Variants in GRB2 observed in about 807,000 individuals in gnomAD.
The protein encoded by GRB2 is growth factor receptor bound protein 2, also known as growth factor receptor-bound protein 2.
In GRB2, 2 loss-of-function variants were observed where a neutral mutation model predicts 27.4. The observed-to-expected ratio is 0.07, with a 90% CI of 0.03 to 0.23. GRB2 has a LOEUF of 0.23. Ranked by LOEUF, GRB2 falls within the 10% of genes least tolerant of loss-of-function variation. The probability of loss-of-function intolerance (pLI) is 1.00; values close to 1 mark genes in which losing one functional copy is unlikely to be tolerated. For synonymous variants in GRB2, 94 were observed against 99.6 expected, an observed-to-expected ratio of 0.94 and a Z score of 0.33; for missense variants, 102 against 282.4, an observed-to-expected ratio of 0.36 and a Z score of 4.58.
intron 1 of GRB2, among the ~76,000 whole-genome samples, chr17:75,397,313 G>A (rs1161085117): frequency 6.6e-6 from 1 of 152,188 alleles, no homozygotes; most frequent in Non-Finnish European, 1.5e-5. Context: ...CAGACACAAT[G>A]TATAATGATT....
chr17:75,388,189 CG>C (rs1355031715), intron 2 of GRB2, among the ~76,000 whole-genome samples: 2 of 151,970 alleles, frequency 1.3e-5, no homozygotes, highest in Non-Finnish European at 2.9e-5. Context: ...CTCCACATCC[CG>C]GGTTCAAGCG....
chr17:75,404,705 C>T (rs1301956981), intron 1 of GRB2: 4 of 152,212 alleles, frequency 2.6e-5, no homozygotes, highest in African/African-American at 9.6e-5. Flanking sequence ...ATGTGTCTGA[C>T]ATTTCGGAAA....
chr17:75,354,265 G>GC (rs1567864967), intron 2 of GRB2, among the ~76,000 whole-genome samples: 15 of 64,004 alleles, frequency 2.3e-4, no homozygotes, highest in African/African-American at 3.5e-4. Flanking sequence ...CTTTTTTTTT[G>GC]GGGGGGGGGG....
At chr17:75,399,372 T>C (rs1055286300) in intron 1 of GRB2, among the ~76,000 whole-genome samples, 4 of 149,204 alleles carry the variant, frequency 2.7e-5, no homozygotes, top group African/African-American at 4.9e-5. Context: ...CTTTTCTTTT[T>C]TTTTTTTTTT....
chr17:75,370,372 TCTGA>T (rs1185342459), intron 2 of GRB2, among the ~76,000 whole-genome samples: 2 of 152,306 alleles, frequency 1.3e-5, no homozygotes, highest in Non-Finnish European at 1.5e-5. Context: ...CTTTCCAAAC[TCTGA>T]CTAAGAGAGA....
At chr17:75,324,535 T>TTTTTTTTTTTTGG (rs1491359485) in intron 4 of GRB2, among the ~76,000 whole-genome samples, 1 of 86,198 alleles carries the variant, frequency 1.2e-5, no homozygotes, top group African/African-American at 3.8e-5. Context: ...TTTTTTTTTT[T>TTTTTTTTTTTTGG]GGAGACAGAG....
At chr17:75,347,741 G>A (rs2078664199) in intron 2 of GRB2, among the ~76,000 whole-genome samples, 1 of 152,220 alleles carries the variant, frequency 6.6e-6, no homozygotes. Context: ...GCCATGAGCT[G>A]AGCTGGTGCG....
At chr17:75,400,577 C>T (rs1418997232) in intron 1 of GRB2, among the ~76,000 whole-genome samples, 2 of 151,254 alleles carry the variant, frequency 1.3e-5, no homozygotes, top group African/African-American at 2.4e-5. Flanking sequence ...TGCGTTCAAG[C>T]GATTCTCCTT....
chr17:75,321,433 T>C (rs1364696463), intron 5 of GRB2, among the ~76,000 whole-genome samples: 1 of 152,062 alleles, frequency 6.6e-6, no homozygotes, highest in African/African-American at 2.4e-5. Flanking sequence ...TGCCTCGGCC[T>C]CCCAAAGTGC....
intron 2 of GRB2, among the ~76,000 whole-genome samples, chr17:75,361,969 A>G (rs1365130785): frequency 6.6e-6 from 1 of 152,014 alleles, no homozygotes; most frequent in Non-Finnish European, 1.5e-5. Context: ...TGCAACCACT[A>G]GGCTCTCCAA....
At chr17:75,333,083 T>TG (rs1444793902) in intron 2 of GRB2, among the ~76,000 whole-genome samples, 1 of 150,136 alleles carries the variant, frequency 6.7e-6, no homozygotes, top group African/African-American at 2.4e-5. Context: ...TATTAGTTGT[T>TG]TTTTTTTTTT....
chr17:75,322,375 A>G (rs1598215241), intron 4 of GRB2, among the ~76,000 whole-genome samples: 1 of 150,696 alleles, frequency 6.6e-6, no homozygotes, highest in African/African-American at 2.4e-5. Flanking sequence ...TCTGTCTCAA[A>G]AAAAAAAAAA....
chr17:75,325,999 G>A lies in GRB2; in HGVS notation c.198C>T (p.Pro66=), dbSNP rs757797537. ...TAAGCATTTCTTCTGCCTTGGCTCT[G>A]GGGATTTTGCCAAAAAACCACCTAA... ...KPHPWFFGKI[P]RAKAEEMLSK... The change falls in exon 4 of 6, where the codon CCC becomes CCT. Residue 66 remains proline, a synonymous_variant. Coordinates refer to ENST00000316804, the MANE Select transcript of GRB2 (RefSeq NM_002086.5). 5.6e-6 allele frequency: 9 copies of A among 1,613,970 alleles called. No homozygotes were observed. The highest frequency in any genetic ancestry group is 1.1e-5 in the South Asian group (1 of 91,090).
intron 2 of GRB2, among the ~76,000 whole-genome samples, chr17:75,376,414 A>C (rs1486056152): frequency 6.6e-6 from 1 of 150,402 alleles, no homozygotes; most frequent in African/African-American, 2.4e-5. Context: ...CCAGCTACTC[A>C]GGAGGCTGAG....
At chr17:75,345,518 G>T (rs1279474088) in intron 2 of GRB2, among the ~76,000 whole-genome samples, 2 of 152,124 alleles carry the variant, frequency 1.3e-5, no homozygotes, top group Non-Finnish European at 2.9e-5. Context: ...AAGGATACAG[G>T]ACTGAAAAAC....
At chr17:75,389,082 T>TTA (rs2078982609) in intron 2 of GRB2, among the ~76,000 whole-genome samples, 2 of 152,120 alleles carry the variant, frequency 1.3e-5, no homozygotes, top group African/African-American at 4.8e-5. Flanking sequence ...TTGCAATTCT[T>TTA]TATACACACA....
chr17:75,384,019 CAG>C (rs1200592459), intron 2 of GRB2, among the ~76,000 whole-genome samples: 1 of 152,122 alleles, frequency 6.6e-6, no homozygotes, highest in Admixed American at 6.6e-5. Context: ...CTGTCTGTGA[CAG>C]AGCTAGGATT....
chr17:75,367,841 C>T (rs139524208), intron 2 of GRB2, among the ~76,000 whole-genome samples: 67 of 147,114 alleles, frequency 4.6e-4, no homozygotes, highest in Middle Eastern at 3.5e-3. Context: ...TCATTAAATC[C>T]TGTTATTTCT....
chr17:75,343,118 A>G (rs981620996), intron 2 of GRB2, among the ~76,000 whole-genome samples: 1 of 149,882 alleles, frequency 6.7e-6, no homozygotes, highest in Non-Finnish European at 1.5e-5. Flanking sequence ...AACTTTCAGT[A>G]TGACAGGGAT....
Sources: allele counts gnomAD v4.1 joint callset (sites outside exome capture counted in the v4.1 genomes callset), GRCh38; gene constraint gnomAD v4.1.1; transcripts MANE v1.5; gene names NCBI Gene and HGNC (gene_info 2026-07-23, HGNC 2026-07-21).